Variants in ARL15 observed in about 807,000 individuals in gnomAD.
ARL15 encodes the protein ADP-ribosylation factor-like protein 15.
ARL15 carries 19 observed loss-of-function variants against 25.2 expected under a neutral mutation model. The ratio of observed to expected loss-of-function variants is 0.75; its 90% confidence interval spans 0.53 to 1.10. ARL15 has a LOEUF of 1.10. ARL15 is among the 50% of genes least tolerant of loss of function. The pLI is 0.00. For synonymous variants in ARL15, 94 were observed against 86.8 expected, an observed-to-expected ratio of 1.08 and a Z score of -0.46; for missense variants, 220 against 246.0, an observed-to-expected ratio of 0.89 and a Z score of 0.71.
At chr5:54,184,316 G>A (rs565087549) in intron 1 of ARL15, among the ~76,000 whole-genome samples, 39 of 148,226 alleles carry the variant, frequency 2.6e-4, no homozygotes, top group Non-Finnish European at 4.0e-4. Flanking sequence ...GATGGTGTGC[G>A]CCTGTAGTCC....
intron 4 of ARL15, among the ~76,000 whole-genome samples, chr5:54,062,158 C>A (rs1256303746): frequency 1.3e-5 from 2 of 152,302 alleles, no homozygotes; most frequent in Admixed American, 6.5e-5. Flanking sequence ...ATGCCTGTAC[C>A]CGCATTGTAC....
intron 4 of ARL15, among the ~76,000 whole-genome samples, chr5:54,086,620 C>G (rs1323226646): frequency 6.6e-6 from 1 of 152,032 alleles, no homozygotes; most frequent in South Asian, 2.1e-4. Flanking sequence ...AATATTAACC[C>G]TTCCTCTACC....
chr5:54,054,422 A>G (rs1391790734), intron 4 of ARL15, among the ~76,000 whole-genome samples: 1 of 152,254 alleles, frequency 6.6e-6, no homozygotes, highest in Non-Finnish European at 1.5e-5. Flanking sequence ...AAACAGTGGT[A>G]TAGCTTGCAC....
intron 1 of ARL15, among the ~76,000 whole-genome samples, chr5:54,181,832 A>T: frequency 6.6e-6 from 1 of 151,292 alleles, no homozygotes; most frequent in East Asian, 2.0e-4. Flanking sequence ...CTTTTTAATG[A>T]TTGCCATTCT....
intron 1 of ARL15, among the ~76,000 whole-genome samples, chr5:54,291,537 G>A (rs936499357): frequency 4.6e-5 from 7 of 152,110 alleles, no homozygotes; most frequent in South Asian, 2.1e-4. Flanking sequence ...TCTAGAACCC[G>A]CAGATACAGA....
chr5:53,892,392 C>T (rs175248), intron 4 of ARL15, among the ~76,000 whole-genome samples: 142,384 of 152,174 alleles, frequency 0.94, 67,226 homozygotes, highest in Non-Finnish European at 1. Flanking sequence ...AGAAGTGCAA[C>T]TGTGGGATGT....
At chr5:54,282,647 T>G (rs1758089989) in intron 1 of ARL15, 1 of 805,620 alleles carries the variant, frequency 1.2e-6, no homozygotes, top group Non-Finnish European at 1.5e-6. Context: ...ATATCCCATT[T>G]TAATAATAAA....
chr5:54,163,370 T>G (rs1246726939), intron 2 of ARL15, among the ~76,000 whole-genome samples: 16 of 78,948 alleles, frequency 2.0e-4, no homozygotes, highest in African/African-American at 5.5e-4. Context: ...TTTTTTTTTT[T>G]TTTTTTTTTT....
chr5:54,010,935 G>A (rs955165271), intron 4 of ARL15, among the ~76,000 whole-genome samples: 2 of 151,050 alleles, frequency 1.3e-5, no homozygotes, highest in Non-Finnish European at 2.9e-5. Flanking sequence ...GGGAGGCGGA[G>A]CTTGCAGTGA....
At chr5:54,079,501 G>T (rs1751720723) in intron 4 of ARL15, among the ~76,000 whole-genome samples, 1 of 152,056 alleles carries the variant, frequency 6.6e-6, no homozygotes, top group Non-Finnish European at 1.5e-5. Flanking sequence ...TTATTTTCAA[G>T]TATAGGAAAA....
At chr5:54,179,536 T>A (rs142571889) in intron 1 of ARL15, among the ~76,000 whole-genome samples, 1 of 151,960 alleles carries the variant, frequency 6.6e-6, no homozygotes, top group Non-Finnish European at 1.5e-5. Context: ...GTTAGAGAAG[T>A]TGGGTGAGAA....
chr5:54,304,222 AG>A (rs1164005309), intron 1 of ARL15, among the ~76,000 whole-genome samples: 1 of 152,222 alleles, frequency 6.6e-6, no homozygotes, highest in Non-Finnish European at 1.5e-5. Context: ...GGCAATGAAG[AG>A]GGAGGGCCCT....
intron 4 of ARL15, among the ~76,000 whole-genome samples, chr5:54,062,004 G>A (rs1028900606): frequency 2.0e-5 from 3 of 152,212 alleles, no homozygotes; most frequent in African/African-American, 7.2e-5. Flanking sequence ...GCATCTGTGC[G>A]ACCTGGATAT....
intron 1 of ARL15, among the ~76,000 whole-genome samples, chr5:54,220,195 T>C (rs1756332009): frequency 6.6e-6 from 1 of 152,224 alleles, no homozygotes; most frequent in African/African-American, 2.4e-5. Flanking sequence ...AAGTTACCTG[T>C]TACCATATGT....
At chr5:53,955,228 A>T (rs1247619657) in intron 4 of ARL15, among the ~76,000 whole-genome samples, 2 of 151,906 alleles carry the variant, frequency 1.3e-5, no homozygotes, top group Non-Finnish European at 2.9e-5. Flanking sequence ...TTCTTCCTTC[A>T]ACAACAATTA....
chr5:54,115,250 A>T (rs1752862986), intron 3 of ARL15, among the ~76,000 whole-genome samples: 1 of 152,222 alleles, frequency 6.6e-6, no homozygotes, highest in South Asian at 2.1e-4. Flanking sequence ...GTGCTGTCAT[A>T]GAGATACTCA....
chr5:53,991,563 G>GAAAA (rs771075344), intron 4 of ARL15, among the ~76,000 whole-genome samples: 14,141 of 127,014 alleles, frequency 0.11, 1,495 homozygotes, highest in African/African-American at 0.23. Flanking sequence ...AAAAAAAAAG[G>GAAAA]GGGGGCGGGG....
chr5:54,094,785 C>T lies in ARL15; in HGVS notation c.462+18417G>A, dbSNP rs115826562. ...TGCACTGTTTGTCCCATCATAAGCA[C>T]TGAATAAATTTGTTCATCTGACAAG... On this transcript the variant is annotated intron_variant, in intron 4 of 4. Transcript: ENST00000504924. Among the ~76,000 whole-genome samples the T allele has an allele frequency of 9.6e-3, 1,462 of 152,238 alleles. 27 individuals are homozygous for T. The highest frequency in any genetic ancestry group is 0.033 in the African/African-American group (1,380 of 41,528).
At chr5:54,280,999 C>T (rs1017282703) in intron 1 of ARL15, among the ~76,000 whole-genome samples, 1 of 150,884 alleles carries the variant, frequency 6.6e-6, no homozygotes, top group Non-Finnish European at 1.5e-5. Context: ...CCTCAAACAT[C>T]TTAAAATATT....
Sources: gnomAD v4.1 joint callset for allele counts (sites outside exome capture counted in the v4.1 genomes callset) on GRCh38, gnomAD v4.1.1 for gene constraint, MANE v1.5 for transcripts, NCBI Gene and HGNC (gene_info 2026-07-23, HGNC 2026-07-21) for gene names.